The following MAP3K15 variants were observed in gnomAD, a reference collection of about 807,000 sequenced individuals.
MAP3K15 encodes mitogen-activated protein kinase kinase kinase 15.
A neutral mutation model predicts 99.5 loss-of-function variants in MAP3K15; 124 were observed. The observed-to-expected ratio is 1.25, with a 90% CI of 1.08 to 1.45. MAP3K15 has a LOEUF of 1.45. Among genes scored for constraint, MAP3K15 ranks in the 40% most tolerant of loss-of-function variants. The pLI, the probability that MAP3K15 is intolerant of heterozygous loss-of-function variation, is 0.00. For missense variants in MAP3K15, 1,242 were observed against 1,079.7 expected, an observed-to-expected ratio of 1.15 and a Z score of -2.11; for synonymous variants, 494 against 439.6, an observed-to-expected ratio of 1.12 and a Z score of -1.55.
intron 25 of MAP3K15, among the ~76,000 whole-genome samples, chrX:19,364,032 G>A (rs2063317154): frequency 9.0e-6 from 1 of 111,632 alleles, no homozygotes; most frequent in Non-Finnish European, 1.9e-5. Flanking sequence ...GATGGCTCCT[G>A]CCAACATCCA....
chrX:19,515,301 C>T lies in MAP3K15; in HGVS notation c.-40G>A. On this transcript the variant is annotated 5_prime_UTR_variant, in exon 1 of 29. Transcript: ENST00000338883. Reference sequence around the variant, plus strand: ...GCCCTTCCCCTGGGCGAGTGGCCAGCGGCTGCGATCCGCTAGGAGGCACAA... The same window carrying T: ...GCCCTTCCCCTGGGCGAGTGGCCAGTGGCTGCGATCCGCTAGGAGGCACAA... 1 of 829,491 alleles carries T rather than the reference C, an allele frequency of 1.2e-6. No individual in the cohort carries two copies. Among genetic ancestry groups the T allele is most frequent in the Non-Finnish European group, 1.5e-6 (1 of 679,635 alleles). The allele number at this position is 829,491 out of a possible 1,213,427, so 68.4% of individuals were successfully genotyped here.
chrX:19,485,308 C>CAAAAA (rs368987947), intron 3 of MAP3K15, among the ~76,000 whole-genome samples: 1 of 7,936 alleles, frequency 1.3e-4, no homozygotes, highest in Non-Finnish European at 2.1e-4. Context: ...GACTCTGTCT[C>CAAAAA]AAAAAAAAAA....
intron 11 of MAP3K15, among the ~76,000 whole-genome samples, chrX:19,411,496 C>A (rs1055845759): frequency 2.7e-5 from 3 of 112,480 alleles, no homozygotes; most frequent in Admixed American, 9.4e-5. Flanking sequence ...ATGGGCCTTG[C>A]ATGTGAGTGA....
Position 19,418,088 on chromosome X carries a change from G to T in MAP3K15, c.1440-2831C>A, listed in dbSNP as rs753877162. ...AAAGGTAGATAAAACCACAAAGATG[G>T]GGAAGAAACAGAGCAGAAAAACTGG... On this transcript the variant is annotated intron_variant, in intron 9 of 28. Coordinates refer to ENST00000338883, the MANE Select transcript of MAP3K15 (RefSeq NM_001001671.4). Among the ~76,000 whole-genome samples the T allele has an allele frequency of 1.3e-4, 15 of 111,576 alleles. No homozygotes were observed. The South Asian group carries it at 5.7e-3, about 42-fold the overall frequency.
intron 1 of MAP3K15, among the ~76,000 whole-genome samples, chrX:19,512,567 C>T (rs1331028791): frequency 2.7e-5 from 3 of 109,994 alleles, no homozygotes; most frequent in African/African-American, 1.0e-4. Context: ...ATCGACCTCC[C>T]GGGCTTAAGT....
At chrX:19,468,677 G>A (rs148496949) in intron 3 of MAP3K15, among the ~76,000 whole-genome samples, 4,678 of 111,406 alleles carry the variant, frequency 0.042, 173 homozygotes, top group African/African-American at 0.11. Flanking sequence ...GCTTGATGGG[G>A]ATGGCATTGA....
chrX:19,501,149 G>A (rs1356795982), intron 1 of MAP3K15, among the ~76,000 whole-genome samples: 1 of 111,406 alleles, frequency 9.0e-6, no homozygotes, highest in Non-Finnish European at 1.9e-5. Flanking sequence ...TTCTGCAGCC[G>A]GGGGTCCCTG....
At chrX:19,458,452 A>T (rs1222694601) in intron 5 of MAP3K15, among the ~76,000 whole-genome samples, 2 of 111,917 alleles carry the variant, frequency 1.8e-5, no homozygotes, top group Middle Eastern at 4.2e-3. Flanking sequence ...GCCAAGGCAG[A>T]TGGATCACCT....
In MAP3K15 at chrX:19,360,665, G is replaced by T; in HGVS notation, c.*84C>A. 2 of 704,385 alleles carry T rather than the reference G, an allele frequency of 2.8e-6. No homozygotes were observed. Among genetic ancestry groups the T allele is most frequent in the Non-Finnish European group, 4.4e-6 (2 of 452,015 alleles). The allele number at this position is 704,385 out of a possible 1,213,427, so 58.0% of individuals were successfully genotyped here. A position where few individuals can be genotyped will look rare whatever the true frequency, so the allele number is the denominator to read the frequency against. On this transcript the variant is annotated 3_prime_UTR_variant, in exon 29 of 29. Transcript: ENST00000338883. ...TGGCATTTTTAAATATGTAAACACA[G>T]CGGAATTCGTGTATACACTAACAGA... is the stretch of plus-strand genomic sequence containing the variant.
At chrX:19,368,913 G>T in intron 25 of MAP3K15, 141 bp downstream of exon 25, 2 of 510,956 alleles carry the variant, frequency 3.9e-6, no homozygotes, top group Non-Finnish European at 5.7e-6. Context: ...ATGCGCCCTT[G>T]CCTAGTTCGT....
intron 1 of MAP3K15, among the ~76,000 whole-genome samples, chrX:19,507,475 G>A: frequency 9.6e-6 from 1 of 104,662 alleles, no homozygotes; most frequent in East Asian, 3.0e-4. Flanking sequence ...GACTCGGGAG[G>A]CTGAGGTGGA....
intron 9 of MAP3K15, among the ~76,000 whole-genome samples, chrX:19,415,730 T>A (rs1402714777): frequency 1.8e-5 from 2 of 109,769 alleles, no homozygotes; most frequent in East Asian, 2.8e-4. Context: ...AAAAAAAAAA[T>A]TAGAAAAAGC....
intron 1 of MAP3K15, among the ~76,000 whole-genome samples, chrX:19,493,631 C>T (rs779919814): frequency 8.9e-6 from 1 of 111,804 alleles, no homozygotes; most frequent in Admixed American, 9.6e-5. Flanking sequence ...CACCAGTTAC[C>T]TAAAACCTTT....
chrX:19,475,378 C>T lies in MAP3K15; in HGVS notation c.526-10972G>A, dbSNP rs186483797. ...ATACAGATGAAGCTTTCCTCGCTCG[C>T]TGCTCACCTCCTGCTGTGCGGCCCG... On this transcript the variant is annotated intron_variant, in intron 3 of 28. Transcript: ENST00000338883. Among the ~76,000 whole-genome samples the T allele has an allele frequency of 2.8e-3, 316 of 111,411 alleles. 1 individual carries two copies. The highest frequency in any genetic ancestry group is 9.2e-3 in the African/African-American group (283 of 30,653).
At chrX:19,480,982 G>A (rs2064285393) in intron 3 of MAP3K15, among the ~76,000 whole-genome samples, 1 of 108,444 alleles carries the variant, frequency 9.2e-6, no homozygotes, top group South Asian at 4.1e-4. Context: ...GGGCGTGGTG[G>A]TGCACACCTA....
intron 13 of MAP3K15, among the ~76,000 whole-genome samples, chrX:19,406,047 T>C (rs914307066): frequency 3.6e-5 from 4 of 111,653 alleles, no homozygotes; most frequent in African/African-American, 1.3e-4. Flanking sequence ...AAAACCACAA[T>C]GAGATCCCAC....
chrX:19,507,939 C>T (rs766425050), intron 1 of MAP3K15, among the ~76,000 whole-genome samples: 4 of 112,457 alleles, frequency 3.6e-5, no homozygotes, highest in African/African-American at 6.5e-5. Flanking sequence ...ACGATCTCAG[C>T]TCACTGCAAC....
intron 6 of MAP3K15, among the ~76,000 whole-genome samples, chrX:19,434,020 C>T (rs1250057913): frequency 2.7e-5 from 3 of 111,436 alleles, no homozygotes; most frequent in African/African-American, 9.8e-5. Context: ...ATGGAAAAAA[C>T]CTGAACTAAA....
intron 22 of MAP3K15, among the ~76,000 whole-genome samples, chrX:19,372,096 T>G (rs2063379205): frequency 9.8e-6 from 1 of 102,535 alleles, no homozygotes; most frequent in African/African-American, 3.6e-5. Flanking sequence ...ATCACACCGC[T>G]GCACTCCAGC....
Sources: gnomAD v4.1 joint callset for allele counts (sites outside exome capture counted in the v4.1 genomes callset) on GRCh38, gnomAD v4.1.1 for gene constraint, MANE v1.5 for transcripts, NCBI Gene and HGNC (gene_info 2026-07-23, HGNC 2026-07-21) for gene names.